ULK4: variants seen among roughly 807,000 people sequenced by gnomAD.
ULK4 encodes the protein unc-51 like kinase 4, also known as inactive serine/threonine-protein kinase ULK4.
Under a neutral mutation model 160.6 loss-of-function variants are expected in ULK4, and 133 were observed. That is an observed-to-expected ratio of 0.83 (90% CI 0.72 to 0.96). The LOEUF is 0.96. Among genes scored for constraint, ULK4 ranks in the 40% least tolerant of loss-of-function variants. ULK4 has a pLI of 0.00. For missense variants in ULK4, 1,580 were observed against 1,499.5 expected, an observed-to-expected ratio of 1.05 and a Z score of -0.89; for synonymous variants, 534 against 539.8, an observed-to-expected ratio of 0.99 and a Z score of 0.15.
At chr3:41,746,140 T>C (rs2038410079) in intron 22 of ULK4, among the ~76,000 whole-genome samples, 1 of 151,066 alleles carries the variant, frequency 6.6e-6, no homozygotes, top group Non-Finnish European at 1.5e-5. Flanking sequence ...TTATTCAACA[T>C]AGTACTGGAA....
chr3:41,654,551 G>C (rs1031068188), intron 30 of ULK4, among the ~76,000 whole-genome samples: 1 of 152,160 alleles, frequency 6.6e-6, no homozygotes, highest in African/African-American at 2.4e-5. Flanking sequence ...TACATGCTGG[G>C]TAAGTATATA....
chr3:41,441,230 C>A (rs979410241), intron 34 of ULK4, among the ~76,000 whole-genome samples: 24 of 151,972 alleles, frequency 1.6e-4, no homozygotes, highest in Admixed American at 1.6e-3. Flanking sequence ...AAGGTAGAAA[C>A]TAAGGTAATT....
intron 35 of ULK4, among the ~76,000 whole-genome samples, chr3:41,368,201 C>G (rs1476792636): frequency 6.6e-6 from 1 of 151,810 alleles, no homozygotes; most frequent in African/African-American, 2.4e-5. Context: ...GCGCCCACCA[C>G]GACGCCCGGC....
intron 35 of ULK4, among the ~76,000 whole-genome samples, chr3:41,281,883 A>G (rs2079361827): frequency 6.6e-6 from 1 of 152,222 alleles, no homozygotes; most frequent in East Asian, 1.9e-4. Flanking sequence ...AGATGACATG[A>G]TTGTATATTT....
At chr3:41,690,847 G>A (rs905051366) in intron 27 of ULK4, among the ~76,000 whole-genome samples, 2 of 151,788 alleles carry the variant, frequency 1.3e-5, no homozygotes, top group Admixed American at 6.6e-5. Context: ...ATGCAAAAGG[G>A]GGGTACTTCC....
At chr3:41,762,655 C>CTTTTTTTT (rs35695794) in intron 21 of ULK4, among the ~76,000 whole-genome samples, 3 of 88,976 alleles carry the variant, frequency 3.4e-5, no homozygotes, top group African/African-American at 4.5e-5. Context: ...AAGTGTTACA[C>CTTTTTTTT]TTTTTTTTTT....
intron 17 of ULK4, among the ~76,000 whole-genome samples, chr3:41,844,790 TA>T (rs35532895): frequency 0.67 from 83,516 of 125,002 alleles, 28,304 homozygotes; most frequent in Non-Finnish European, 0.76. Flanking sequence ...GAGGTTTTTC[TA>T]AAAAAAAAAA....
At chr3:41,624,791 T>C (rs966587506) in intron 30 of ULK4, among the ~76,000 whole-genome samples, 2 of 152,224 alleles carry the variant, frequency 1.3e-5, no homozygotes, top group African/African-American at 4.8e-5. Context: ...CTGATGAGTA[T>C]TCCATTGTGT....
chr3:41,557,981 A>G (rs2087365113), intron 32 of ULK4, among the ~76,000 whole-genome samples: 1 of 152,124 alleles, frequency 6.6e-6, no homozygotes, highest in African/African-American at 2.4e-5. Flanking sequence ...ACATGCTCTT[A>G]GATCCAAAGA....
intron 20 of ULK4, among the ~76,000 whole-genome samples, chr3:41,797,296 T>C (rs1355707034): frequency 6.6e-6 from 1 of 152,146 alleles, no homozygotes; most frequent in Non-Finnish European, 1.5e-5. Flanking sequence ...ATATTTATTA[T>C]CTGATCCTTT....
chr3:41,692,018 C>A (rs2036318825), intron 27 of ULK4, among the ~76,000 whole-genome samples: 1 of 129,136 alleles, frequency 7.7e-6, no homozygotes, highest in Admixed American at 9.2e-5. Flanking sequence ...GTAGTGCGAT[C>A]TCAGCTCACT....
intron 29 of ULK4, among the ~76,000 whole-genome samples, chr3:41,677,601 G>C (rs995528185): frequency 1.1e-4 from 17 of 152,236 alleles, no homozygotes; most frequent in African/African-American, 3.9e-4. Context: ...AAAGTGCTGG[G>C]ATTACAGGTG....
chr3:41,317,701 T>C (rs1335011030), intron 35 of ULK4, among the ~76,000 whole-genome samples: 3 of 152,200 alleles, frequency 2.0e-5, no homozygotes, highest in South Asian at 2.1e-4. Flanking sequence ...TTTCTTAGAA[T>C]AGTAACTCAA....
intron 32 of ULK4, among the ~76,000 whole-genome samples, chr3:41,519,098 A>T (rs2085843609): frequency 6.6e-6 from 1 of 152,210 alleles, no homozygotes; most frequent in Non-Finnish European, 1.5e-5. Context: ...CTGCTGGGAC[A>T]TTCACAGTAC....
intron 11 of ULK4, among the ~76,000 whole-genome samples, 190 bp downstream of exon 11, chr3:41,911,127 A>G (rs556430157): frequency 6.6e-6 from 1 of 152,336 alleles, no homozygotes; most frequent in South Asian, 2.1e-4. Flanking sequence ...AAAATCCTGT[A>G]CATAGCAAAA....
chr3:41,276,551 G>A (rs1294249493), intron 35 of ULK4, among the ~76,000 whole-genome samples: 1 of 152,220 alleles, frequency 6.6e-6, no homozygotes, highest in Non-Finnish European at 1.5e-5. Context: ...CCTCAGAGCT[G>A]AAACAGCTCT....
At chr3:41,388,332 C>G (rs1011592273) in intron 35 of ULK4, among the ~76,000 whole-genome samples, 1 of 151,940 alleles carries the variant, frequency 6.6e-6, no homozygotes, top group Non-Finnish European at 1.5e-5. Context: ...GTTGCCTGTT[C>G]ACTCTGATGG....
chr3:41,321,007 T>A (rs1254798441), intron 35 of ULK4, among the ~76,000 whole-genome samples: 1 of 151,864 alleles, frequency 6.6e-6, no homozygotes, highest in Non-Finnish European at 1.5e-5. Context: ...GATATCTCAC[T>A]GCCTTTTTTT....
intron 32 of ULK4, among the ~76,000 whole-genome samples, chr3:41,555,855 C>T (rs897304079): frequency 1.2e-4 from 19 of 152,034 alleles, no homozygotes; most frequent in Non-Finnish European, 1.9e-4. Context: ...AAAACCAAAA[C>T]AAGATCATTT....
Sources: gnomAD v4.1 joint callset for allele counts (sites outside exome capture counted in the v4.1 genomes callset) on GRCh38, gnomAD v4.1.1 for gene constraint, MANE v1.5 for transcripts, NCBI Gene and HGNC (gene_info 2026-07-23, HGNC 2026-07-21) for gene names.